The following AFG1L variants were observed in gnomAD, a reference collection of about 807,000 sequenced individuals.
The protein encoded by AFG1L is AFG1 like ATPase, also known as AFG1-like ATPase.
AFG1L carries 53 observed loss-of-function variants against 62.2 expected under a neutral mutation model. That is an observed-to-expected ratio of 0.85 (90% CI 0.68 to 1.07). The LOEUF is 1.07. Among genes scored for constraint, AFG1L ranks in the 50% least tolerant of loss-of-function variants. The pLI is 0.00. For synonymous variants in AFG1L, 228 were observed against 210.3 expected, an observed-to-expected ratio of 1.08 and a Z score of -0.73; for missense variants, 555 against 590.5, an observed-to-expected ratio of 0.94 and a Z score of 0.62.
At chr6:108,330,731 C>G (rs550921901) in intron 2 of AFG1L, among the ~76,000 whole-genome samples, 47 of 152,258 alleles carry the variant, frequency 3.1e-4, no homozygotes, top group African/African-American at 1.0e-3. Context: ...CACATTCAGC[C>G]ATTTTGGAGG....
intron 2 of AFG1L, among the ~76,000 whole-genome samples, chr6:108,335,650 G>A (rs191537010): frequency 3.6e-4 from 55 of 152,302 alleles, no homozygotes; most frequent in African/African-American, 1.1e-3. Context: ...AGTAATGCTC[G>A]TATCTCAATA....
intron 8 of AFG1L, among the ~76,000 whole-genome samples, chr6:108,451,695 G>C (rs1029412031): frequency 9.3e-5 from 1 of 10,748 alleles, no homozygotes; most frequent in South Asian, 6.3e-3. Flanking sequence ...GATGAGCACA[G>C]TTTGTTTCTT....
At chr6:108,419,137 T>C (rs1329625800) in intron 7 of AFG1L, among the ~76,000 whole-genome samples, 1 of 152,196 alleles carries the variant, frequency 6.6e-6, no homozygotes, top group African/African-American at 2.4e-5. Context: ...AAATTTTCAA[T>C]GTGAATTTCA....
chr6:108,442,711 C>T (rs1771602383), intron 7 of AFG1L, among the ~76,000 whole-genome samples: 2 of 152,122 alleles, frequency 1.3e-5, no homozygotes, highest in Admixed American at 1.3e-4. Flanking sequence ...AAATGCTATA[C>T]CTATACTAGC....
intron 10 of AFG1L, among the ~76,000 whole-genome samples, chr6:108,479,853 C>A (rs535930152): frequency 6.6e-6 from 1 of 152,158 alleles, no homozygotes; most frequent in South Asian, 2.1e-4. Context: ...GCTCTTGAAG[C>A]CCAAGACTTG....
At chr6:108,398,236 C>G (rs2114617070) in intron 6 of AFG1L, among the ~76,000 whole-genome samples, 1 of 152,262 alleles carries the variant, frequency 6.6e-6, no homozygotes, top group South Asian at 2.1e-4. Flanking sequence ...TGCCTGTTTG[C>G]TATTTGTATG....
chr6:108,451,053 C>G (rs909570270), intron 8 of AFG1L, among the ~76,000 whole-genome samples: 1 of 152,078 alleles, frequency 6.6e-6, no homozygotes, highest in African/African-American at 2.4e-5. Flanking sequence ...TCTGGCCAGA[C>G]ATCTGTAATC....
chr6:108,295,142 G>C lies in AFG1L; in HGVS notation c.63G>C (p.Gly21=), dbSNP rs1004559646. 3 of 1,610,730 alleles carry C rather than the reference G, an allele frequency of 1.9e-6. No individual in the cohort carries two copies. In the African/African-American group the frequency reaches 4.0e-5, roughly 21 times the overall value. Residue 21 remains glycine, a synonymous_variant, in exon 1 of 13, where the codon GGG becomes GGC. Transcript: ENST00000368977. ...CCTTAGCACAGAGCCCGCTGAGAGGGAGATGTGTTGGGTGCGGGGCCTGGG... is the reference window on the plus strand; with the variant it reads ...CCTTAGCACAGAGCCCGCTGAGAGGCAGATGTGTTGGGTGCGGGGCCTGGG... ...LRPLAQSPLR[G]RCVGCGAWAA... is the part of the protein sequence containing the mutation.
At chr6:108,346,470 A>T (rs1478820973) in intron 2 of AFG1L, among the ~76,000 whole-genome samples, 1 of 151,962 alleles carries the variant, frequency 6.6e-6, no homozygotes, top group Non-Finnish European at 1.5e-5. Context: ...AGTTCAAACA[A>T]TCCTTCAACT....
rs932079246 is a variant in AFG1L at position 108,436,151 on chromosome 6, T to C, written c.808-11063T>C. Among the ~76,000 whole-genome samples the C allele has an allele frequency of 1.3e-4, 20 of 152,054 alleles. 1 individual carries two copies. Among genetic ancestry groups the C allele is most frequent in the Non-Finnish European group, 2.8e-4 (19 of 68,008 alleles). Reference sequence around the variant, plus strand: ...TGCCCCATATCATTTTTGTATGAGATTAGGTTTTTTTTTAGACAGAGTCTC... The same window carrying C: ...TGCCCCATATCATTTTTGTATGAGACTAGGTTTTTTTTTAGACAGAGTCTC... On this transcript the variant is annotated intron_variant, in intron 7 of 12. Transcript: ENST00000368977.
At chr6:108,453,850 G>T (rs1772153359) in intron 8 of AFG1L, among the ~76,000 whole-genome samples, 1 of 152,140 alleles carries the variant, frequency 6.6e-6, no homozygotes, top group African/African-American at 2.4e-5. Context: ...ACTGGAATCT[G>T]CAGTTTCAGT....
intron 8 of AFG1L, among the ~76,000 whole-genome samples, chr6:108,455,355 C>A (rs1027698923): frequency 6.6e-5 from 10 of 152,096 alleles, no homozygotes; most frequent in Non-Finnish European, 4.4e-5. Flanking sequence ...TTTTCATAAT[C>A]AAAAGATTTT....
chr6:108,408,747 C>A (rs977842405), intron 7 of AFG1L, among the ~76,000 whole-genome samples: 4 of 152,166 alleles, frequency 2.6e-5, no homozygotes, highest in African/African-American at 9.7e-5. Flanking sequence ...AATCCAGTTC[C>A]AATTACTCTG....
chr6:108,379,156 A>G (rs1780385773), intron 6 of AFG1L, among the ~76,000 whole-genome samples: 1 of 151,804 alleles, frequency 6.6e-6, no homozygotes, highest in African/African-American at 2.4e-5. Context: ...GATTGCAGGC[A>G]CCCACTACCA....
At chr6:108,441,713 A>AG (rs56899339) in intron 7 of AFG1L, among the ~76,000 whole-genome samples, 1 of 100,390 alleles carries the variant, frequency 1.0e-5, no homozygotes, top group Admixed American at 9.4e-5. Flanking sequence ...AAAAAAAAAA[A>AG]TATATATATA....
intron 10 of AFG1L, among the ~76,000 whole-genome samples, chr6:108,482,894 G>GT (rs961191578): frequency 1.9e-4 from 29 of 150,910 alleles, no homozygotes; most frequent in African/African-American, 6.8e-4. Flanking sequence ...TGTTTGTCAG[G>GT]TTTTTTTTTG....
intron 6 of AFG1L, among the ~76,000 whole-genome samples, chr6:108,371,896 A>C (rs1239408277): frequency 6.6e-6 from 1 of 151,938 alleles, no homozygotes; most frequent in East Asian, 1.9e-4. Context: ...TGCTAGGACT[A>C]CAGGCATGTA....
chr6:108,310,735 C>T (rs557614677), intron 1 of AFG1L, among the ~76,000 whole-genome samples: 1 of 151,914 alleles, frequency 6.6e-6, no homozygotes, highest in African/African-American at 2.4e-5. Flanking sequence ...CCACCACACC[C>T]GGCTAATTTT....
chr6:108,313,849 C>T (rs1448788662), intron 1 of AFG1L, among the ~76,000 whole-genome samples: 2 of 152,104 alleles, frequency 1.3e-5, no homozygotes, highest in African/African-American at 4.8e-5. Context: ...CCATAGATAT[C>T]TCTTAACTCA....
Sources: gnomAD v4.1 joint callset for allele counts (sites outside exome capture counted in the v4.1 genomes callset) on GRCh38, gnomAD v4.1.1 for gene constraint, MANE v1.5 for transcripts, NCBI Gene and HGNC (gene_info 2026-07-23, HGNC 2026-07-21) for gene names.